SLC36A1: variants seen among roughly 807,000 people sequenced by gnomAD.
SLC36A1 encodes proton-coupled amino acid transporter 1.
SLC36A1 carries 30 observed loss-of-function variants against 47.5 expected under a neutral mutation model. That is an observed-to-expected ratio of 0.63 (90% CI 0.47 to 0.86). The LOEUF is 0.86. Ranked by LOEUF, SLC36A1 falls within the 40% of genes least tolerant of loss-of-function variation. The pLI, the probability that SLC36A1 is intolerant of heterozygous loss-of-function variation, is 0.00. For synonymous variants in SLC36A1, 255 were observed against 249.7 expected, an observed-to-expected ratio of 1.02 and a Z score of -0.20; for missense variants, 517 against 606.0, an observed-to-expected ratio of 0.85 and a Z score of 1.54.
chr5:151,425,964 C>CTCTATCTA, the SLC36A1 span, among the ~76,000 whole-genome samples: 23,720 of 147,974 alleles, frequency 0.16, 2,522 homozygotes, highest in African/African-American at 0.3. Context: ...CTCTCTCTCC[C>CTCTATCTA]TCTATCTATC....
the SLC36A1 span, chr5:151,347,711 C>T: frequency 7.6e-6 from 4 of 529,540 alleles, no homozygotes; most frequent in African/African-American, 1.9e-5. Flanking sequence ...ATCACCCATT[C>T]GTATTGGTAT....
chr5:151,408,740 TCTGACGAGGA>T, the SLC36A1 span, among the ~76,000 whole-genome samples: 1 of 152,138 alleles, frequency 6.6e-6, no homozygotes, highest in Admixed American at 6.6e-5. Context: ...AATTCTGGAG[TCTGACGAGGA>T]CTGACAGCTG....
the SLC36A1 span, among the ~76,000 whole-genome samples, chr5:151,429,198 ATT>A: frequency 6.6e-6 from 1 of 151,538 alleles, no homozygotes. Flanking sequence ...TTTTATTTTT[ATT>A]TTTTAAAATT....
At chr5:151,466,243 A>C (rs7730542) in intron 5 of SLC36A1, among the ~76,000 whole-genome samples, 3 of 151,916 alleles carry the variant, frequency 2.0e-5, no homozygotes, top group African/African-American at 7.3e-5. Context: ...ATGCGTGCTC[A>C]TAGTAAAAAC....
chr5:151,435,014 G>T (rs551658797), upstream of SLC36A1, among the ~76,000 whole-genome samples: 2 of 152,174 alleles, frequency 1.3e-5, no homozygotes, highest in Admixed American at 6.5e-5. Context: ...TATTTGAAAA[G>T]ATAATGGCTG....
At chr5:151,381,267 TCTC>T in the SLC36A1 span, 18 of 256,062 alleles carry the variant, frequency 7.0e-5, no homozygotes, top group South Asian at 8.2e-4. Context: ...CTGCCAGCCT[TCTC>T]CTCAGCCCCT....
At chr5:151,462,673 T>G (rs1347240129) in intron 2 of SLC36A1, among the ~76,000 whole-genome samples, 1 of 151,892 alleles carries the variant, frequency 6.6e-6, no homozygotes, top group Non-Finnish European at 1.5e-5. Context: ...TGACTTTTTT[T>G]TTTTTTTAAA....
chr5:151,417,510 G>A, the SLC36A1 span, among the ~76,000 whole-genome samples: 2 of 152,152 alleles, frequency 1.3e-5, no homozygotes, highest in African/African-American at 4.8e-5. Flanking sequence ...CAAAGAGACT[G>A]GCAGCATTTT....
upstream of SLC36A1, chr5:151,437,085 C>A (rs916628765): frequency 2.0e-5 from 3 of 152,206 alleles, no homozygotes; most frequent in Non-Finnish European, 4.4e-5. Flanking sequence ...TGGAACTATT[C>A]CTTTCAATGG....
the SLC36A1 span, chr5:151,545,495 C>T: frequency 1.2e-6 from 2 of 1,614,184 alleles, no homozygotes; most frequent in South Asian, 1.1e-5. Flanking sequence ...ATTGCTACCT[C>T]ATATATCTGT....
intron 10 of SLC36A1, among the ~76,000 whole-genome samples, chr5:151,483,520 G>GTGGGGGC (rs745868506): frequency 6.9e-6 from 1 of 144,656 alleles, no homozygotes; most frequent in Admixed American, 6.8e-5. Context: ...GTGTGTGTGG[G>GTGGGGGC]GGGGGTGATT....
the SLC36A1 span, among the ~76,000 whole-genome samples, chr5:151,404,576 C>A: frequency 6.6e-6 from 1 of 152,100 alleles, no homozygotes; most frequent in Non-Finnish European, 1.5e-5. Flanking sequence ...TTTAGAACTC[C>A]CTTAAAGATT....
At chr5:151,432,069 C>G (rs1235356794), upstream of SLC36A1, among the ~76,000 whole-genome samples, 5 of 152,190 alleles carry the variant, frequency 3.3e-5, no homozygotes, top group Non-Finnish European at 7.3e-5. Context: ...GTTGCTCTGA[C>G]AATCTCTTCT....
chr5:151,478,219 A>G (rs1758338232), intron 9 of SLC36A1, among the ~76,000 whole-genome samples: 1 of 152,324 alleles, frequency 6.6e-6, no homozygotes, highest in Admixed American at 6.5e-5. Flanking sequence ...AGCACATTTA[A>G]ATAGATTTCC....
At chr5:151,406,043 G>T in the SLC36A1 span, among the ~76,000 whole-genome samples, 1 of 152,182 alleles carries the variant, frequency 6.6e-6, no homozygotes, top group Non-Finnish European at 1.5e-5. Context: ...GAAAGCGGGG[G>T]ATGAGAGGGT....
intron 1 of SLC36A1, among the ~76,000 whole-genome samples, chr5:151,453,846 A>G (rs913214559): frequency 2.6e-5 from 4 of 151,640 alleles, no homozygotes; most frequent in African/African-American, 9.7e-5. Context: ...ACACCTACAA[A>G]TTTTTATTTT....
chr5:151,537,999 CAG>C, the SLC36A1 span: 3 of 1,518,460 alleles, frequency 2.0e-6, no homozygotes, highest in Non-Finnish European at 2.7e-6. Context: ...CATTCAGATC[CAG>C]AGAGAAGCAG....
intron 1 of SLC36A1, among the ~76,000 whole-genome samples, chr5:151,448,617 G>A (rs771778899): frequency 6.6e-5 from 10 of 152,196 alleles, no homozygotes; most frequent in Non-Finnish European, 1.3e-4. Flanking sequence ...GAGCCCTGAC[G>A]TTAACTTGAA....
At chr5:151,345,825 C>G in the SLC36A1 span, among the ~76,000 whole-genome samples, 4 of 152,222 alleles carry the variant, frequency 2.6e-5, no homozygotes, top group African/African-American at 9.7e-5. Context: ...TAACTCCTTT[C>G]TTTTTGGTCA....
Sources: gnomAD v4.1 joint callset for allele counts (sites outside exome capture counted in the v4.1 genomes callset) on GRCh38, gnomAD v4.1.1 for gene constraint, MANE v1.5 for transcripts, NCBI Gene and HGNC (gene_info 2026-07-23, HGNC 2026-07-21) for gene names.